SORCS3: variants seen among roughly 807,000 people sequenced by gnomAD.
SORCS3 encodes the protein VPS10 domain-containing receptor SorCS3.
SORCS3 carries 57 observed loss-of-function variants against 146.3 expected under a neutral mutation model. The observed-to-expected ratio is 0.39, with a 90% confidence interval of 0.31 to 0.49. SORCS3 has a LOEUF of 0.49. Among genes scored for constraint, SORCS3 ranks in the 20% least tolerant of loss-of-function variants. The pLI is 0.92. For synonymous variants in SORCS3, 653 were observed against 618.5 expected (o/e 1.06, Z -0.83); for missense variants, 1,341 against 1,575.5 (o/e 0.85, Z 2.52).
chr10:104,777,053 A>C (rs1056076186), intron 1 of SORCS3, among the ~76,000 whole-genome samples: 3 of 152,196 alleles, frequency 2.0e-5, no homozygotes, highest in South Asian at 2.1e-4. Flanking sequence ...TGCCCAGGTC[A>C]CAGTGGTACC....
intron 1 of SORCS3, among the ~76,000 whole-genome samples, chr10:104,791,330 T>A (rs2133500203): frequency 6.6e-6 from 1 of 152,278 alleles, no homozygotes; most frequent in South Asian, 2.1e-4. Flanking sequence ...CTTAAGTCAG[T>A]CCTTTGTTGA....
In SORCS3 at chr10:105,105,407, C is replaced by T. The variant is rs1564755057; in HGVS notation, c.1104C>T (p.Tyr368=). 2 of 1,612,820 alleles carry T rather than the reference C, an allele frequency of 1.2e-6. No homozygotes were observed. The highest frequency in any genetic ancestry group is 1.7e-6 in the Non-Finnish European group (2 of 1,178,952). ...EVRTTDGYAH[Y]LTCRIQECAE... ...ACCCTCCTGTTTCAGATGCTCACTA[C>T]CTCACCTGCAGGATCCAGGAATGTG... The change falls in exon 7 of 27, where the codon TAC becomes TAT. Residue 368 remains tyrosine, a synonymous_variant. Transcript: ENST00000369701.
chr10:104,698,195 C>A (rs1437342506), intron 1 of SORCS3, among the ~76,000 whole-genome samples: 1 of 152,106 alleles, frequency 6.6e-6, no homozygotes, highest in Non-Finnish European at 1.5e-5. Flanking sequence ...GTAAGGAAGG[C>A]AGGCATTCCC....
intron 2 of SORCS3, among the ~76,000 whole-genome samples, chr10:104,875,986 T>G (rs546087833): frequency 9.2e-5 from 14 of 152,270 alleles, no homozygotes; most frequent in African/African-American, 3.4e-4. Context: ...CTCTTAAAGT[T>G]TATCTGAGAG....
Position 105,183,701 on chromosome 10 carries a change from C to T in SORCS3, c.2009+5528C>T, listed in dbSNP as rs142763996. On this transcript the variant is annotated intron_variant, in intron 14 of 26. Transcript: ENST00000369701. ...GCTTGATTCATAACCTTCAGATTGT[C>T]GCCAGGCTTGCCAGCAACTCAGAGG... Among the ~76,000 whole-genome samples the T allele has an allele frequency of 2.2e-4, 33 of 152,272 alleles. 1 individual carries two copies. The highest frequency in any genetic ancestry group is 4.1e-4 in the South Asian group (2 of 4,824).
At chr10:104,786,657 A>G (rs1248549888) in intron 1 of SORCS3, among the ~76,000 whole-genome samples, 1 of 152,100 alleles carries the variant, frequency 6.6e-6, no homozygotes, top group East Asian at 1.9e-4. Context: ...AGCTGAGAGG[A>G]ATGGCTTCAG....
intron 2 of SORCS3, among the ~76,000 whole-genome samples, chr10:104,906,571 C>A (rs914496120): frequency 6.6e-6 from 1 of 152,164 alleles, no homozygotes; most frequent in Admixed American, 6.5e-5. Flanking sequence ...CCTAAGAACA[C>A]AACATTTAGA....
intron 3 of SORCS3, among the ~76,000 whole-genome samples, chr10:104,950,558 G>T (rs1185932959): frequency 6.6e-6 from 1 of 152,152 alleles, no homozygotes; most frequent in Non-Finnish European, 1.5e-5. Flanking sequence ...TAATTTTAAG[G>T]CTGTTTTTAT....
intron 1 of SORCS3, among the ~76,000 whole-genome samples, chr10:104,713,613 T>C (rs2016444325): frequency 6.6e-6 from 1 of 152,228 alleles, no homozygotes; most frequent in Admixed American, 6.5e-5. Flanking sequence ...ATTTTCATAT[T>C]GAACCAACCT....
intron 2 of SORCS3, among the ~76,000 whole-genome samples, chr10:104,862,497 T>A (rs957717188): frequency 6.6e-6 from 1 of 152,236 alleles, no homozygotes; most frequent in Non-Finnish European, 1.5e-5. Flanking sequence ...AATTTTTACT[T>A]TATTCCTGAT....
chr10:104,931,433 C>T (rs1286142396), intron 3 of SORCS3, among the ~76,000 whole-genome samples: 1 of 152,114 alleles, frequency 6.6e-6, no homozygotes, highest in Non-Finnish European at 1.5e-5. Flanking sequence ...GCTTTCAAAT[C>T]GTGTGACTCT....
intron 1 of SORCS3, among the ~76,000 whole-genome samples, chr10:104,673,403 GTTTA>G (rs377399457): frequency 7.8e-4 from 118 of 150,908 alleles, no homozygotes; most frequent in African/African-American, 2.6e-3. Context: ...AAAAATGTAA[GTTTA>G]TTTCTTATTT....
At chr10:105,240,872 A>G (rs938038517) in intron 20 of SORCS3, among the ~76,000 whole-genome samples, 1 of 151,904 alleles carries the variant, frequency 6.6e-6, no homozygotes, top group African/African-American at 2.4e-5. Flanking sequence ...TTCATCATAA[A>G]TTAGATTTGC....
Position 104,751,074 on chromosome 10 carries a change from G to A in SORCS3, c.628-91718G>A, listed in dbSNP as rs201417290. Among the ~76,000 whole-genome samples the A allele has an allele frequency of 3.9e-5, 6 of 152,010 alleles. No homozygotes were observed. The East Asian group carries it at 1.2e-3, about 29-fold the overall frequency. On this transcript the variant is annotated intron_variant, in intron 1 of 26. Coordinates refer to ENST00000369701, the MANE Select transcript of SORCS3 (RefSeq NM_014978.3). ...GAGAAGCACACAGCAAGAAAGAGAG[G>A]GCAAAAAAGAGACATTATAGCAGCC... is the stretch of plus-strand genomic sequence containing the variant.
At chr10:104,973,601 T>C (rs1344102036) in intron 3 of SORCS3, among the ~76,000 whole-genome samples, 1 of 150,684 alleles carries the variant, frequency 6.6e-6, no homozygotes, top group African/African-American at 2.5e-5. Flanking sequence ...TCTTTATTAG[T>C]CTTGCTAGCG....
At chr10:104,877,604 A>G (rs1276481265) in intron 2 of SORCS3, among the ~76,000 whole-genome samples, 2 of 152,194 alleles carry the variant, frequency 1.3e-5, no homozygotes, top group Admixed American at 6.5e-5. Flanking sequence ...TCACATTCTC[A>G]ATAGGCTCAG....
At chr10:105,155,991 T>C (rs697187) in intron 9 of SORCS3, among the ~76,000 whole-genome samples, 73,153 of 152,076 alleles carry the variant, frequency 0.48, 18,134 homozygotes, top group Non-Finnish European at 0.53. Context: ...AATTAAATTA[T>C]GTCATTTGAA....
intron 4 of SORCS3, among the ~76,000 whole-genome samples, chr10:105,035,144 G>T (rs1267275782): frequency 6.6e-6 from 1 of 152,172 alleles, no homozygotes; most frequent in East Asian, 1.9e-4. Context: ...TGGTAAAAAG[G>T]GAGTATGATA....
In SORCS3 at chr10:104,658,982, C is replaced by T. The variant is rs1215347949; in HGVS notation, c.627+17028C>T. ...GGTCAACATCTGAGACTCAAGTTTCCTCATCTGTTTAATAGTTGCAAGGAT... is the reference window on the plus strand; with the variant it reads ...GGTCAACATCTGAGACTCAAGTTTCTTCATCTGTTTAATAGTTGCAAGGAT... On this transcript the variant is annotated intron_variant, in intron 1 of 26. Transcript: ENST00000369701. 2.0e-5 allele frequency among the ~76,000 whole-genome samples: 3 copies of T among 151,920 alleles called. No homozygotes were observed. In the East Asian group the frequency reaches 5.8e-4, roughly 29 times the overall value.
Sources: allele counts gnomAD v4.1 joint callset (sites outside exome capture counted in the v4.1 genomes callset), GRCh38; gene constraint gnomAD v4.1.1; transcripts MANE v1.5; gene names NCBI Gene and HGNC (gene_info 2026-07-23, HGNC 2026-07-21).